CNTNAP2: variants seen among roughly 807,000 people sequenced by gnomAD.
The protein encoded by CNTNAP2 is contactin associated protein 2.
In CNTNAP2, 98 loss-of-function variants were observed where a neutral mutation model predicts 155.2. The ratio of observed to expected loss-of-function variants is 0.63; its 90% confidence interval spans 0.54 to 0.75. The LOEUF is 0.75. CNTNAP2 is among the 30% of genes least tolerant of loss of function. CNTNAP2 has a pLI of 0.00. For synonymous variants in CNTNAP2, 651 were observed against 631.2 expected (o/e 1.03, Z -0.47); for missense variants, 1,727 against 1,688.1 (o/e 1.02, Z -0.40).
At chr7:146,489,098 A>T (rs1797101495) in intron 1 of CNTNAP2, among the ~76,000 whole-genome samples, 1 of 152,176 alleles carries the variant, frequency 6.6e-6, no homozygotes, top group Non-Finnish European at 1.5e-5. Context: ...GTTTGGGGCC[A>T]TTTCCCAAGT....
rs1024677 is a variant in CNTNAP2, at chr7:147,018,898, C to G, written c.403-25009C>G. ...TTATCTTGAGAATAACAATTAAGGG[C>G]AGAATCAGAACTAATACCTCAGTGA... On this transcript the variant is annotated intron_variant, in intron 3 of 23. Coordinates refer to ENST00000361727, the MANE Select transcript of CNTNAP2 (RefSeq NM_014141.6). 7.8e-3 allele frequency among the ~76,000 whole-genome samples: 1,183 copies of G among 152,026 alleles called. 9 individuals carry two copies. Among genetic ancestry groups the G allele is most frequent in the South Asian group, 0.013 (63 of 4,822 alleles).
chr7:147,727,170 A>G (rs1411283481), intron 13 of CNTNAP2, among the ~76,000 whole-genome samples: 1 of 151,866 alleles, frequency 6.6e-6, no homozygotes, highest in African/African-American at 2.4e-5. Context: ...ACCTACCTGA[A>G]CCCCAGTAGA....
chr7:148,346,193 G>A (rs949213142), intron 21 of CNTNAP2, among the ~76,000 whole-genome samples: 9 of 152,068 alleles, frequency 5.9e-5, no homozygotes, highest in Non-Finnish European at 1.0e-4. Context: ...TCAGGCAAGC[G>A]CATCTTACTT....
At position 147,395,692 on chromosome 7, in the gene CNTNAP2, G is replaced by C. The variant is rs761732433; in HGVS notation, c.1582G>C (p.Asp528His). 6.2e-7 allele frequency: 1 copy of C among 1,612,412 alleles called. No individual in the cohort carries two copies. Among genetic ancestry groups the C allele is most frequent in the Admixed American group, 1.7e-5 (1 of 59,880 alleles). The change falls in exon 10 of 24, where the codon GAT (aspartate) becomes CAT (histidine). Residue 528 changes from aspartate (D) to histidine (H), a missense_variant. Transcript: ENST00000361727. ...QGCMQLIQVD[D>H]QLVNLYEVAQ... ...ATGCATGCAGCTCATTCAAGTGGAC[G>C]ATCAACTTGTAAATTTATACGAAGT...
intron 13 of CNTNAP2, among the ~76,000 whole-genome samples, chr7:147,763,343 G>C (rs999517655): frequency 1.3e-5 from 2 of 151,522 alleles, no homozygotes; most frequent in Non-Finnish European, 2.9e-5. Flanking sequence ...TTAGTTATGA[G>C]ATGCAGGCTG....
At chr7:146,678,303 C>A (rs1353234) in intron 1 of CNTNAP2, among the ~76,000 whole-genome samples, 16,543 of 151,832 alleles carry the variant, frequency 0.11, 1,483 homozygotes, top group African/African-American at 0.25. Context: ...CAAGCTCCTG[C>A]CCTCAAGTGA....
intron 1 of CNTNAP2, among the ~76,000 whole-genome samples, chr7:146,215,208 T>C (rs1488454568): frequency 1.3e-5 from 2 of 152,192 alleles, no homozygotes; most frequent in African/African-American, 2.4e-5. Context: ...TACATAACTC[T>C]CAAATAATCC....
At chr7:148,244,280 G>A (rs548927449) in intron 20 of CNTNAP2, among the ~76,000 whole-genome samples, 13 of 152,158 alleles carry the variant, frequency 8.5e-5, no homozygotes, top group Non-Finnish European at 1.3e-4. Flanking sequence ...AAACTTAGCT[G>A]CTTATGTATG....
chr7:147,177,026 A>T (rs1317008334), intron 8 of CNTNAP2, among the ~76,000 whole-genome samples: 2 of 142,342 alleles, frequency 1.4e-5, no homozygotes, highest in Admixed American at 7.3e-5. Flanking sequence ...TCTATATAGA[A>T]TTATATAATA....
chr7:147,498,134 T>C (rs1798743626), intron 11 of CNTNAP2, among the ~76,000 whole-genome samples: 1 of 150,406 alleles, frequency 6.6e-6, no homozygotes, highest in African/African-American at 2.5e-5. Context: ...TCTACTCCTG[T>C]GTGTTACAGC....
intron 1 of CNTNAP2, among the ~76,000 whole-genome samples, chr7:146,614,347 T>C (rs1799188573): frequency 6.6e-6 from 1 of 152,210 alleles, no homozygotes; most frequent in Admixed American, 6.5e-5. Flanking sequence ...ATATAAATGT[T>C]AGTAAACTAT....
At chr7:146,135,045 C>T (rs924692772) in intron 1 of CNTNAP2, among the ~76,000 whole-genome samples, 3 of 152,060 alleles carry the variant, frequency 2.0e-5, no homozygotes, top group African/African-American at 7.2e-5. Context: ...TGGTCCTGGA[C>T]TCTTTTTTAT....
intron 8 of CNTNAP2, among the ~76,000 whole-genome samples, chr7:147,154,984 A>C (rs976368419): frequency 2.0e-5 from 3 of 152,184 alleles, no homozygotes; most frequent in African/African-American, 4.8e-5. Flanking sequence ...GAAATGGCTA[A>C]AAAGACATCG....
chr7:146,463,375 A>G (rs1045009558), intron 1 of CNTNAP2, among the ~76,000 whole-genome samples: 3 of 151,948 alleles, frequency 2.0e-5, no homozygotes, highest in African/African-American at 4.8e-5. Context: ...TGCTACCCCC[A>G]TTAGTTCCAA....
chr7:146,913,122 C>T (rs1271727145), intron 3 of CNTNAP2, among the ~76,000 whole-genome samples: 2 of 152,202 alleles, frequency 1.3e-5, no homozygotes, highest in African/African-American at 2.4e-5. Context: ...AGAAAGAGGG[C>T]CTGAACCTCG....
intron 1 of CNTNAP2, among the ~76,000 whole-genome samples, chr7:146,278,721 C>T (rs1195230046): frequency 6.6e-6 from 1 of 152,170 alleles, no homozygotes; most frequent in East Asian, 1.9e-4. Flanking sequence ...ATTGATTAAC[C>T]TTATTTTGTA....
At chr7:146,869,025 T>G (rs1002641511) in intron 3 of CNTNAP2, among the ~76,000 whole-genome samples, 3 of 152,314 alleles carry the variant, frequency 2.0e-5, no homozygotes, top group South Asian at 4.1e-4. Context: ...CTTGCCTGAT[T>G]GCTCTGGCTA....
intron 11 of CNTNAP2, among the ~76,000 whole-genome samples, chr7:147,548,195 G>C (rs1799780871): frequency 6.6e-6 from 1 of 152,110 alleles, no homozygotes; most frequent in African/African-American, 2.4e-5. Flanking sequence ...TCTTCCACAA[G>C]GGTTGAACTA....
At chr7:147,121,306 C>A in intron 6 of CNTNAP2, 143 bp downstream of exon 6, 2 of 751,168 alleles carry the variant, frequency 2.7e-6, no homozygotes, top group South Asian at 1.9e-5. Flanking sequence ...TTTTAAAAAC[C>A]TGATTAATTC....
Sources: allele counts gnomAD v4.1 joint callset (sites outside exome capture counted in the v4.1 genomes callset), GRCh38; gene constraint gnomAD v4.1.1; transcripts MANE v1.5; gene names NCBI Gene and HGNC (gene_info 2026-07-23, HGNC 2026-07-21).